KDM6B: variants seen among roughly 807,000 people sequenced by gnomAD.
The protein encoded by KDM6B is lysine demethylase 6B.
KDM6B carries 22 observed loss-of-function variants against 150.4 expected under a neutral mutation model. That is an observed-to-expected ratio of 0.15 (90% CI 0.10 to 0.21). The LOEUF (loss-of-function observed/expected upper bound fraction) is 0.21, where lower values mean the gene tolerates loss of function less well. KDM6B is among the 10% of genes least tolerant of loss of function. The pLI is 1.00. For missense variants in KDM6B, 1,984 were observed against 2,234.3 expected, an observed-to-expected ratio of 0.89 and a Z score of 2.26; for synonymous variants, 1,148 against 921.1, an observed-to-expected ratio of 1.25 and a Z score of -4.46.
chr17:7,852,193 A>G lies in KDM6B; in HGVS notation c.4325A>G (p.Asp1442Gly). The change falls in exon 20 of 24, where the codon GAT becomes GGT. Residue 1442 changes from aspartate to glycine, a missense_variant. Physicochemically the swap from Asp to Gly is moderately conservative, Grantham distance 94 (BLOSUM62 -1). Coordinates refer to ENST00000448097, the MANE Select transcript of KDM6B (RefSeq NM_001348716.2). Reference sequence around the variant, plus strand: ...ACGGGTTCCTGGTGGCCAATCCTGGATGATCTCTATGCATCCAATATTCCT... The same window carrying G: ...ACGGGTTCCTGGTGGCCAATCCTGGGTGATCTCTATGCATCCAATATTCCT... ...YLTGSWWPIL[D>G]DLYASNIPVY... 4 of 1,614,106 alleles carry G rather than the reference A, an allele frequency of 2.5e-6. No homozygotes were observed. Among genetic ancestry groups the G allele is most frequent in the East Asian group, 4.5e-5 (2 of 44,872 alleles).
rs890891678 is a variant in KDM6B, at chr17:7,844,048, T to C, written c.-268-853T>C. 4.5e-3 allele frequency among the ~76,000 whole-genome samples: 292 copies of C among 65,258 alleles called. No homozygotes were observed. The highest frequency in any genetic ancestry group is 6.2e-3 in the Admixed American group (39 of 6,242). The allele number at this position is 65,258 out of a possible 152,430, so 42.8% of individuals were successfully genotyped here. ...GCCTGTCGGGCCCCGCCCTCCTCCCTCCCTCAGGACCCCCCCCCCCGCAGT... is the reference window on the plus strand; with the variant it reads ...GCCTGTCGGGCCCCGCCCTCCTCCCCCCCTCAGGACCCCCCCCCCCGCAGT... On this transcript the variant is annotated intron_variant, in intron 2 of 23. Coordinates refer to ENST00000448097, the MANE Select transcript of KDM6B (RefSeq NM_001348716.2). The surrounding 1 kb of genome is among the most constrained non-coding windows in gnomAD (Gnocchi z 5.9).
Position 7,848,299 on chromosome 17 carries a change from T to C in KDM6B, c.2011T>C (p.Phe671Leu), listed in dbSNP as rs770737648. 1 of 1,610,840 alleles carries C rather than the reference T, an allele frequency of 6.2e-7. No homozygotes were observed. Among genetic ancestry groups the C allele is most frequent in the South Asian group, 1.1e-5 (1 of 91,010 alleles). The change falls in exon 12 of 24, where the codon TTT (phenylalanine) becomes CTT (leucine). Residue 671 changes from phenylalanine to leucine, a missense_variant. This residue lies in a region of KDM6B where 1,379 missense variants were observed against 1,275.6 expected (regional missense o/e 1.08). Coordinates refer to ENST00000448097, the MANE Select transcript of KDM6B (RefSeq NM_001348716.2). ...GELPARGPRL[F>L]DFPPTPLEDQ... ...GCTGCCTGCCCGAGGCCCTCGACTCTTTGATTTTCCCCCCACTCCGCTGGA... is the reference window on the plus strand; with the variant it reads ...GCTGCCTGCCCGAGGCCCTCGACTCCTTGATTTTCCCCCCACTCCGCTGGA...
At chr17:7,837,695 G>A (rs2078352545) in intron 1 of KDM6B, among the ~76,000 whole-genome samples, 3 of 152,274 alleles carry the variant, frequency 2.0e-5, no homozygotes, top group Middle Eastern at 3.4e-3. Flanking sequence ...CTTGAAGGCC[G>A]CTGGGAGGAA....
In KDM6B at chr17:7,845,957, T is replaced by C. The variant is rs764560394; in HGVS notation, c.223T>C (p.Tyr75His). Residue 75 changes from tyrosine (Y) to histidine (H), a missense_variant, in exon 6 of 24, where the codon TAT becomes CAT. Transcript: ENST00000448097. ...TAGTTCTGGGCACCCCAGCAAACCA[T>C]ATTATGCTCCAGGGTGAGTGGATAT... is the stretch of plus-strand genomic sequence containing the variant. ...GSSSGHPSKP[Y>H]YAPGAPTPRP... is the part of the protein sequence containing the mutation. 1.2e-6 allele frequency: 2 copies of C among 1,613,350 alleles called. No individual in the cohort carries two copies. The highest frequency in any genetic ancestry group is 1.3e-5 in the African/African-American group (1 of 74,860).
In KDM6B at chr17:7,845,810, C is replaced by T. The variant is rs145446870; in HGVS notation, c.138-62C>T. On this transcript the variant is annotated intron_variant, in intron 5 of 23. Transcript: ENST00000448097. The stretch of plus-strand genomic sequence containing the variant: ...TGGGCTTCCGTGCATCAGCCCCCTC[C>T]TGCCTAGGTAGGACAAGACTGCTCC... 2.0e-3 allele frequency: 3,114 copies of T among 1,587,066 alleles called. 9 individuals are homozygous for T. Among genetic ancestry groups the T allele is most frequent in the Non-Finnish European group, 2.3e-3 (2,716 of 1,155,894 alleles).
rs1444798302 is a variant in KDM6B, at chr17:7,852,996, C to T, written c.4611-4C>T. On this transcript the variant is annotated splice_region_variant and splice_polypyrimidine_tract_variant and intron_variant, in intron 21 of 23. Transcript: ENST00000448097. The stretch of plus-strand genomic sequence containing the variant: ...GGTCTCAACACAACCCCACTGCTCC[C>T]CAGGTTCTGCCTGCTGCAGTCCATG... 6.2e-7 allele frequency: 1 copy of T among 1,613,862 alleles called. No individual in the cohort carries two copies. Among genetic ancestry groups the T allele is most frequent in the South Asian group, 1.1e-5 (1 of 90,968 alleles).
At position 7,846,101 on chromosome 17, in the gene KDM6B, A is replaced by G. The variant is rs769728966; in HGVS notation, c.260A>G (p.His87Arg). ...APGAPTPRPL[H>R]GKLESLHGCV... ...AGGGCGCCCACTCCAAGACCCCTCC[A>G]TGGGAAGCTGGAATCCCTGCATGGC... is the stretch of plus-strand genomic sequence containing the variant. Residue 87 changes from histidine to arginine, a missense_variant, in exon 7 of 24, where the codon CAT (histidine) becomes CGT (arginine). Physicochemically the swap from His to Arg is conservative, Grantham distance 29 (BLOSUM62 0). Transcript: ENST00000448097. 7.6e-7 allele frequency: 1 copy of G among 1,311,600 alleles called. No homozygotes were observed. Among genetic ancestry groups the G allele is most frequent in the East Asian group, 4.9e-5 (1 of 20,582 alleles). The allele number at this position is 1,311,600 out of a possible 1,614,324, so 81.2% of individuals were successfully genotyped here.
intron 18 of KDM6B, 37 bp downstream of exon 18, chr17:7,851,833 G>A (rs1044059902): frequency 1.6e-5 from 25 of 1,560,134 alleles, no homozygotes; most frequent in Non-Finnish European, 2.1e-5. Context: ...TGCTGGAAGC[G>A]CGAGAGGAGG....
rs1271238739 is a variant in KDM6B at position 7,848,180 on chromosome 17, G to A, written c.1892G>A (p.Arg631Lys). The A allele has an allele frequency of 1.9e-6, 3 of 1,612,382 alleles. No individual in the cohort carries two copies. The highest frequency in any genetic ancestry group is 1.7e-5 in the Admixed American group (1 of 59,998). The change falls in exon 12 of 24, where the codon AGG becomes AAG. Residue 631 changes from arginine (R) to lysine (K), a missense_variant. Arg to Lys is a conservative substitution (Grantham distance 26). This residue lies in a region of KDM6B where 1,379 missense variants were observed against 1,275.6 expected (regional missense o/e 1.08). Coordinates refer to ENST00000448097, the MANE Select transcript of KDM6B (RefSeq NM_001348716.2). ...SFRRPESPRP[R>K]VSFPKTPEVG... ...AGGCGCCCGGAGAGCCCCCGGCCCA[G>A]GGTCTCCTTCCCAAAGACCCCCGAG...
chr17:7,848,765 C>A lies in KDM6B; in HGVS notation c.2477C>A (p.Ser826Tyr), dbSNP rs142934776. Residue 826 changes from serine to tyrosine, a missense_variant, in exon 12 of 24, where the codon TCC becomes TAC. By Grantham distance (144) the Ser-to-Tyr change is moderately radical. Transcript: ENST00000448097. ...TATCGGGGGACTGGAGCAGCTGTTT[C>A]CACCCGGCCTGGGCCCTTGCCCACC... ...YCYRGTGAAV[S>Y]TRPGPLPTTQ... is the part of the protein sequence containing the mutation. 2.5e-6 allele frequency: 4 copies of A among 1,612,768 alleles called. No homozygotes were observed. The highest frequency in any genetic ancestry group is 3.4e-6 in the Non-Finnish European group (4 of 1,180,016).
In KDM6B at chr17:7,842,191, ATGGAG is replaced by A. The variant is rs1407520514; in HGVS notation, c.-269+2170_-269+2174del. The stretch of plus-strand genomic sequence containing the variant: ...AGAGAGAGTTAAGTGGGTGTGATTG[ATGGAG>A]TGTTCTCTCTTGGGGCTCCAGCGGG... On this transcript the variant is annotated intron_variant, in intron 2 of 23. Transcript: ENST00000448097. 4.0e-5 allele frequency among the ~76,000 whole-genome samples: 6 copies of A among 149,818 alleles called. No homozygotes were observed. The East Asian group carries it at 1.2e-3, about 31-fold the overall frequency.
chr17:7,849,511 C>G lies in KDM6B; in HGVS notation c.3223C>G (p.Arg1075Gly), dbSNP rs780147724. 1.2e-6 allele frequency: 2 copies of G among 1,612,820 alleles called. No individual in the cohort carries two copies. The highest frequency in any genetic ancestry group is 2.2e-5 in the East Asian group (1 of 44,872). ...PSASVPGKKA[R>G]EEAPGPPGVS... ...AGCCTCTGTCCCTGGAAAGAAGGCT[C>G]GGGAGGAAGCCCCAGGGCCACCGGG... Residue 1075 changes from arginine (R) to glycine (G), a missense_variant, in exon 12 of 24, where the codon CGG (arginine) becomes GGG (glycine). Coordinates refer to ENST00000448097, the MANE Select transcript of KDM6B (RefSeq NM_001348716.2).
intron 1 of KDM6B, among the ~76,000 whole-genome samples, chr17:7,835,201 C>G (rs1013631769): frequency 6.6e-6 from 1 of 152,016 alleles, no homozygotes; most frequent in Non-Finnish European, 1.5e-5. Context: ...GGGCTGGGGA[C>G]TCAATCTCCG....
At chr17:7,846,370 T>TGGGGGGGGGGCGGGGG in intron 7 of KDM6B, 30 bp from the exon 8 acceptor site, 2 of 1,501,962 alleles carry the variant, frequency 1.3e-6, no homozygotes, top group Non-Finnish European at 1.8e-6. Context: ...ACCTGACATC[T>TGGGGGGGGGGCGGGGG]GCCCCTGCCC....
intron 1 of KDM6B, among the ~76,000 whole-genome samples, chr17:7,837,525 G>C (rs566851835): frequency 6.6e-6 from 1 of 152,304 alleles, no homozygotes; most frequent in African/African-American, 2.4e-5. Context: ...GTATTGGAAT[G>C]AATCGGTTTG....
chr17:7,849,410 C>G lies in KDM6B; in HGVS notation c.3122C>G (p.Ala1041Gly). The G allele has an allele frequency of 6.2e-7, 1 of 1,611,300 alleles. No homozygotes were observed. The highest frequency in any genetic ancestry group is 8.5e-7 in the Non-Finnish European group (1 of 1,179,502). Residue 1041 changes from alanine to glycine, a missense_variant, in exon 12 of 24, where the codon GCC becomes GGC. Physicochemically the swap from Ala to Gly is moderately conservative, Grantham distance 60. Around this residue, in one of 13 missense-constraint regions of KDM6B, gnomAD observed 1,379 missense variants for 1,275.6 expected, o/e 1.08. Coordinates refer to ENST00000448097, the MANE Select transcript of KDM6B (RefSeq NM_001348716.2). ...AAGTCCCGGCCCGATCTTGGCGGGGCCTCCAAGGCCAAGCCACCCACAGCT... is the reference window on the plus strand; with the variant it reads ...AAGTCCCGGCCCGATCTTGGCGGGGGCTCCAAGGCCAAGCCACCCACAGCT... ...REKSRPDLGG[A>G]SKAKPPTAPA...
In KDM6B at chr17:7,851,405, G is replaced by C; in HGVS notation, c.3944+11G>C. 1 of 1,614,188 alleles carries C rather than the reference G, an allele frequency of 6.2e-7. No homozygotes were observed. The highest frequency in any genetic ancestry group is 1.1e-5 in the South Asian group (1 of 91,084). ...TGGAACCCCTCCTAGGTACTGTGCA[G>C]GTGTGCCCCTTCTGTTCCTGCTTCC... On this transcript the variant is annotated intron_variant, in intron 16 of 23. Coordinates refer to ENST00000448097, the MANE Select transcript of KDM6B (RefSeq NM_001348716.2).
chr17:7,846,377 G>GGGGCCCCCCCCCCCCCCC, intron 7 of KDM6B, 23 bp from the exon 8 acceptor site: 5 of 1,479,490 alleles, frequency 3.4e-6, no homozygotes, highest in Non-Finnish European at 4.6e-6. Flanking sequence ...ATCTGCCCCT[G>GGGGCCCCCCCCCCCCCCC]CCCCGTGTCC....
At chr17:7,852,961 CCTT>C (rs2078731585) in intron 21 of KDM6B, 36 bp from the exon 22 acceptor site, 1 of 1,613,146 alleles carries the variant, frequency 6.2e-7, no homozygotes. Flanking sequence ...CAGGCCTCCT[CCTT>C]GCCGGTGGTC....
Sources: gnomAD v4.1 joint callset for allele counts (sites outside exome capture counted in the v4.1 genomes callset) on GRCh38, gnomAD v4.1.1 for gene constraint, gnomAD v4.1.1 regional missense constraint, Gnocchi (gnomAD v3.1) non-coding constraint, MANE v1.5 for transcripts, NCBI Gene and HGNC (gene_info 2026-07-23, HGNC 2026-07-21) for gene names.